The following INPP5D variants were observed in gnomAD, a reference collection of about 807,000 sequenced individuals.
The protein encoded by INPP5D is phosphatidylinositol 3,4,5-trisphosphate 5-phosphatase 1.
A neutral mutation model predicts 122.9 loss-of-function variants in INPP5D; 33 were observed. The ratio of observed to expected loss-of-function variants is 0.27; its 90% CI spans 0.20 to 0.36. The LOEUF (loss-of-function observed/expected upper bound fraction) is 0.36. INPP5D is among the 10% of genes least tolerant of loss of function. INPP5D has a pLI of 1.00. For synonymous variants in INPP5D, 584 were observed against 576.2 expected, an observed-to-expected ratio of 1.01 and a Z score of -0.19; for missense variants, 1,053 against 1,412.7, an observed-to-expected ratio of 0.75 and a Z score of 4.08.
chr2:233,105,781 C>A lies in INPP5D; in HGVS notation c.199-16326C>A, dbSNP rs1692450572. ...AGGACAGGGGCCACAGGAGGACAGG[C>A]TGCCAGCAAGTGGAGGGTGCCAGGG... On this transcript the variant is annotated intron_variant, in intron 2 of 26. Coordinates refer to ENST00000445964, the MANE Select transcript of INPP5D (RefSeq NM_001017915.3). The surrounding 1 kb of genome is among the most constrained non-coding windows in gnomAD (Gnocchi z 4.0). Among the ~76,000 whole-genome samples the A allele has an allele frequency of 6.6e-6, 1 of 152,090 alleles. No homozygotes were observed.
Position 233,105,239 on chromosome 2 carries a change from T to C in INPP5D, c.199-16868T>C, listed in dbSNP as rs941508070. Among the ~76,000 whole-genome samples the C allele has an allele frequency of 1.3e-5, 2 of 152,078 alleles. No individual in the cohort carries two copies. The highest frequency in any genetic ancestry group is 2.4e-5 in the African/African-American group (1 of 41,396). ...GGTCAGTGGGTCCCAGGGAACTGGG[T>C]AGGACAGCAGCTGCGCTCTCTGTAA... On this transcript the variant is annotated intron_variant, in intron 2 of 26. Transcript: ENST00000445964. This position sits in a 1 kb window ranked among gnomAD's most constrained non-coding sequence, Gnocchi z 4.0.
intron 3 of INPP5D, among the ~76,000 whole-genome samples, chr2:233,122,708 G>A (rs769048151): frequency 1.9e-4 from 29 of 152,316 alleles, no homozygotes; most frequent in Non-Finnish European, 2.2e-4. Flanking sequence ...TCGGGAGGCC[G>A]AGGCAGGAGG....
chr2:233,089,127 C>T (rs541630992), intron 2 of INPP5D, among the ~76,000 whole-genome samples: 11 of 152,144 alleles, frequency 7.2e-5, no homozygotes, highest in African/African-American at 2.2e-4. Flanking sequence ...GGGGTGAGGG[C>T]GAGGGTGGAT....
At chr2:233,122,491 A>G (rs1406305409) in intron 3 of INPP5D, among the ~76,000 whole-genome samples, 1 of 152,218 alleles carries the variant, frequency 6.6e-6, no homozygotes. Context: ...TCTGAATCAC[A>G]GACTTCTCTT....
chr2:233,194,248 C>T (rs140690267), intron 23 of INPP5D, among the ~76,000 whole-genome samples: 31 of 152,256 alleles, frequency 2.0e-4, no homozygotes, highest in African/African-American at 7.2e-4. Flanking sequence ...CCCCCATTAG[C>T]ACCTCCACTA....
intron 2 of INPP5D, among the ~76,000 whole-genome samples, chr2:233,095,500 G>A (rs1692110826): frequency 6.6e-6 from 1 of 151,712 alleles, no homozygotes; most frequent in African/African-American, 2.4e-5. Flanking sequence ...GTGGGCACCT[G>A]TAATCCCAGC....
intron 2 of INPP5D, among the ~76,000 whole-genome samples, chr2:233,097,820 G>C (rs1014140381): frequency 2.0e-5 from 3 of 151,926 alleles, no homozygotes; most frequent in Non-Finnish European, 2.9e-5. Flanking sequence ...GTTCTGATCT[G>C]TTTTGTGCTG....
chr2:233,071,083 G>A (rs989816708), intron 1 of INPP5D, among the ~76,000 whole-genome samples: 1 of 151,864 alleles, frequency 6.6e-6, no homozygotes, highest in Non-Finnish European at 1.5e-5. Flanking sequence ...AGACCATCCT[G>A]GCTAACATAG....
chr2:233,165,298 T>C (rs1334705400), intron 13 of INPP5D, among the ~76,000 whole-genome samples: 1 of 152,200 alleles, frequency 6.6e-6, no homozygotes, highest in East Asian at 1.9e-4. Context: ...TGTGTCTATG[T>C]GAGTCTATGT....
intron 2 of INPP5D, among the ~76,000 whole-genome samples, chr2:233,106,142 T>TGTCA (rs1254981740): frequency 6.6e-6 from 1 of 152,218 alleles, no homozygotes; most frequent in Non-Finnish European, 1.5e-5. Context: ...CACTTGTATC[T>TGTCA]GTCAGTGTTT....
chr2:233,189,641 A>AG lies in INPP5D; in HGVS notation c.2359-204dup, dbSNP rs1695000955. ...AGGCCTGGGGTGCAGCGTGGAGGTG[A>AG]GGGGGACAGGGAAGGAAGCTAACCC... is the stretch of plus-strand genomic sequence containing the variant. On this transcript the variant is annotated intron_variant, in intron 21 of 26. Transcript: ENST00000445964. This position sits in a 1 kb window ranked among gnomAD's most constrained non-coding sequence, Gnocchi z 5.6. 6.6e-6 allele frequency among the ~76,000 whole-genome samples: 1 copy of AG among 151,996 alleles called. No homozygotes were observed. Among genetic ancestry groups the AG allele is most frequent in the Non-Finnish European group, 1.5e-5 (1 of 67,940 alleles).
chr2:233,096,206 G>T (rs1236909744), intron 2 of INPP5D, among the ~76,000 whole-genome samples: 1 of 152,152 alleles, frequency 6.6e-6, no homozygotes, highest in Non-Finnish European at 1.5e-5. Context: ...TTTGCCCGGG[G>T]CTCTTCCGAG....
rs1485536234 is a variant in INPP5D, at chr2:233,078,752, G to A, written c.135-583G>A. ...GGCTGGAGTGAAGTGGCACATTCTC[G>A]GCTCACTGCAACCTCCGCCTCCTGG... On this transcript the variant is annotated intron_variant, in intron 1 of 26. Coordinates refer to ENST00000445964, the MANE Select transcript of INPP5D (RefSeq NM_001017915.3). This position sits in a 1 kb window ranked among gnomAD's most constrained non-coding sequence, Gnocchi z 4.6. Among the ~76,000 whole-genome samples, 3 of 151,966 alleles carry A rather than the reference G, an allele frequency of 2.0e-5. No homozygotes were observed. The highest frequency in any genetic ancestry group is 4.4e-5 in the Non-Finnish European group (3 of 67,988).
rs1372901208 is a variant in INPP5D, at chr2:233,170,174, G to C, written c.1791+10G>C. On this transcript the variant is annotated intron_variant, in intron 15 of 26. Coordinates refer to ENST00000445964, the MANE Select transcript of INPP5D (RefSeq NM_001017915.3). This position sits in a 1 kb window ranked among gnomAD's most constrained non-coding sequence, Gnocchi z 4.5. ...GGATCTGCCTACCTGGGTAAGGGCTGCCCGCCTGGGGCTGGGGCTGGGGCT... is the reference window on the plus strand; with the variant it reads ...GGATCTGCCTACCTGGGTAAGGGCTCCCCGCCTGGGGCTGGGGCTGGGGCT... 1.2e-6 allele frequency: 2 copies of C among 1,612,374 alleles called. No homozygotes were observed. The highest frequency in any genetic ancestry group is 3.3e-5 in the Admixed American group (2 of 59,712).
rs116573286 is a variant in INPP5D at position 233,088,435 on chromosome 2, T to C, written c.198+9037T>C. On this transcript the variant is annotated intron_variant, in intron 2 of 26. Transcript: ENST00000445964. The stretch of plus-strand genomic sequence containing the variant: ...GTGAGGCTGCCGATGCTTCCCGAGA[T>C]GTCCCGAGACAAGTTCCAGCAGCCA... 7.4e-3 allele frequency among the ~76,000 whole-genome samples: 1,130 copies of C among 152,346 alleles called. 10 individuals are homozygous for C. The highest frequency in any genetic ancestry group is 0.012 in the Non-Finnish European group (815 of 68,032).
Position 233,124,113 on chromosome 2 carries a change from G to GT in INPP5D, c.350-1617dup, listed in dbSNP as rs111499171. 7.2e-3 allele frequency among the ~76,000 whole-genome samples: 1,033 copies of GT among 143,654 alleles called. 2 individuals carry two copies. The highest frequency in any genetic ancestry group is 8.1e-3 in the Non-Finnish European group (522 of 64,800). 94.2% of individuals were successfully genotyped at this position (143,654 alleles called of 152,430 possible). On this transcript the variant is annotated intron_variant, in intron 3 of 26. Coordinates refer to ENST00000445964, the MANE Select transcript of INPP5D (RefSeq NM_001017915.3). ...AGGTACCCCTGAACTTAAAATACAA[G>GT]TTTTTTTTTTTTTTTAAAGGCTTAT...
intron 17 of INPP5D, among the ~76,000 whole-genome samples, chr2:233,173,646 C>T (rs1440439573): frequency 6.6e-6 from 1 of 151,616 alleles, no homozygotes; most frequent in Non-Finnish European, 1.5e-5. Context: ...AAAATTAAGA[C>T]GTAGGCTGGG....
At chr2:233,081,079 G>T (rs902294226) in intron 2 of INPP5D, among the ~76,000 whole-genome samples, 1 of 152,322 alleles carries the variant, frequency 6.6e-6, no homozygotes. Context: ...GGCCTAGGGC[G>T]CCCGCAGGTT....
intron 5 of INPP5D, chr2:233,134,219 G>A: frequency 5.8e-6 from 2 of 345,980 alleles, no homozygotes; most frequent in South Asian, 2.2e-5. Flanking sequence ...GGGGCCATGA[G>A]GCATCTGAGT....
Sources: gnomAD v4.1 joint callset for allele counts (sites outside exome capture counted in the v4.1 genomes callset) on GRCh38, gnomAD v4.1.1 for gene constraint, Gnocchi (gnomAD v3.1) non-coding constraint, MANE v1.5 for transcripts, NCBI Gene and HGNC (gene_info 2026-07-23, HGNC 2026-07-21) for gene names.